QTRT1: variants seen among roughly 807,000 people sequenced by gnomAD.
QTRT1 encodes queuine tRNA-ribosyltransferase catalytic subunit 1.
A neutral mutation model predicts 44.0 loss-of-function variants in QTRT1; 41 were observed. The ratio of observed to expected loss-of-function variants is 0.93; its 90% confidence interval spans 0.73 to 1.21. The LOEUF (loss-of-function observed/expected upper bound fraction) is 1.21, where lower values mean the gene tolerates loss of function less well. Among genes scored for constraint, QTRT1 ranks in the 50% most tolerant of loss-of-function variants. QTRT1 has a pLI of 0.00. For synonymous variants in QTRT1, 226 were observed against 237.1 expected, an observed-to-expected ratio of 0.95 and a Z score of 0.43; for missense variants, 542 against 575.8, an observed-to-expected ratio of 0.94 and a Z score of 0.60.
chr19:10,705,918 C>T (rs1291209944), intron 3 of QTRT1, among the ~76,000 whole-genome samples: 4 of 121,222 alleles, frequency 3.3e-5, no homozygotes, highest in East Asian at 2.8e-4. Context: ...TGTAGTGGTG[C>T]GATCTCGGCT....
intron 3 of QTRT1, among the ~76,000 whole-genome samples, chr19:10,702,613 G>C (rs559734012): frequency 6.6e-6 from 1 of 151,600 alleles, no homozygotes; most frequent in Non-Finnish European, 1.5e-5. Context: ...AGACCAGCTT[G>C]GGCAATACAG....
In QTRT1 at chr19:10,712,246, G is replaced by A. The variant is rs752055092; in HGVS notation, c.732G>A (p.Ala244=). Reference sequence around the variant, plus strand: ...AGTCGCAGTTCTGGCGGATGGTGGCGCTGAGCACCTCTCGGCTGCCGAAGG... The same window carrying A: ...AGTCGCAGTTCTGGCGGATGGTGGCACTGAGCACCTCTCGGCTGCCGAAGG... ...ESKSQFWRMV[A]LSTSRLPKDK... Residue 244 remains alanine (A), a synonymous_variant, in exon 6 of 10, where the codon GCG becomes GCA. Transcript: ENST00000250237. This position sits in a 1 kb window ranked among gnomAD's most constrained non-coding sequence, Gnocchi z 5.6. 6.2e-6 allele frequency: 10 copies of A among 1,614,086 alleles called. No individual in the cohort carries two copies. The highest frequency in any genetic ancestry group is 5.0e-5 in the Admixed American group (3 of 60,022).
intron 5 of QTRT1, among the ~76,000 whole-genome samples, chr19:10,708,406 G>A (rs533788759): frequency 5.9e-5 from 9 of 152,202 alleles, no homozygotes; most frequent in Non-Finnish European, 8.8e-5. Context: ...ATAGGTGCAC[G>A]CCGGTGTGTC....
chr19:10,704,408 C>T (rs2068703274), intron 3 of QTRT1, among the ~76,000 whole-genome samples: 1 of 151,704 alleles, frequency 6.6e-6, no homozygotes, highest in African/African-American at 2.4e-5. Context: ...ATTCTCCTGC[C>T]TCAGCCTCCG....
At chr19:10,705,748 G>A (rs1032183109) in intron 3 of QTRT1, among the ~76,000 whole-genome samples, 19 of 149,944 alleles carry the variant, frequency 1.3e-4, no homozygotes, top group Non-Finnish European at 7.4e-5. Context: ...ATTGGCCAGG[G>A]TGGTCTTGAA....
intron 1 of QTRT1, 68 bp downstream of exon 1, chr19:10,701,771 C>T: frequency 7.7e-6 from 12 of 1,557,032 alleles, no homozygotes; most frequent in Non-Finnish European, 1.0e-5. Flanking sequence ...GGAGCGTCCT[C>T]CAGGCCCGGA....
At chr19:10,705,019 T>G (rs1360462306) in intron 3 of QTRT1, among the ~76,000 whole-genome samples, 2 of 142,230 alleles carry the variant, frequency 1.4e-5, no homozygotes, top group Non-Finnish European at 1.5e-5. Context: ...GGGTTTAAGC[T>G]ATTCTCCTGC....
intron 5 of QTRT1, chr19:10,711,026 C>T (rs2068736569): frequency 6.6e-6 from 1 of 152,166 alleles, no homozygotes; most frequent in Non-Finnish European, 1.5e-5. Flanking sequence ...ACACATCAGC[C>T]CGTCATCTAG....
At chr19:10,710,451 G>A (rs867243680) in intron 5 of QTRT1, among the ~76,000 whole-genome samples, 25 of 151,992 alleles carry the variant, frequency 1.6e-4, no homozygotes, top group African/African-American at 6.0e-4. Flanking sequence ...CGAGTAGCTG[G>A]GATTACAGGC....
chr19:10,713,075 G>A lies in QTRT1; in HGVS notation c.1059+35G>A, dbSNP rs778171059. On this transcript the variant is annotated intron_variant, in intron 9 of 9. Transcript: ENST00000250237. The surrounding 1 kb of genome is among the most constrained non-coding windows in gnomAD (Gnocchi z 4.3). ...TGCCCGGGGCAAGGTGGGCGGGGGT[G>A]TCCTAGGTGCGTATGCCCCACGCTG... 6.2e-7 allele frequency: 1 copy of A among 1,609,024 alleles called. No individual in the cohort carries two copies. Among genetic ancestry groups the A allele is most frequent in the Non-Finnish European group, 8.5e-7 (1 of 1,179,794 alleles).
chr19:10,709,721 C>T (rs2068730112), intron 5 of QTRT1, among the ~76,000 whole-genome samples: 1 of 152,098 alleles, frequency 6.6e-6, no homozygotes, highest in South Asian at 2.1e-4. Flanking sequence ...TGGTGGCGGG[C>T]GCCTGTAGTC....
At chr19:10,710,743 G>A (rs1379104692) in intron 5 of QTRT1, among the ~76,000 whole-genome samples, 3 of 151,862 alleles carry the variant, frequency 2.0e-5, no homozygotes, top group Admixed American at 1.3e-4. Flanking sequence ...CCAACATGGC[G>A]GAACCCTGTC....
At chr19:10,707,447 T>A (rs1441788643) in intron 4 of QTRT1, 53 bp from the exon 5 acceptor site, 1 of 1,610,110 alleles carries the variant, frequency 6.2e-7, no homozygotes, top group Non-Finnish European at 8.5e-7. Context: ...TGTAGCCTTG[T>A]CTCCTACCCC....
Position 10,712,714 on chromosome 19 carries a change from A to G in QTRT1, c.862-44A>G. ...TTAGGGGTGGGGGGTGGGGAGAATG[A>G]AGCCCTGGGTGACGCCCCTTTCCCT... is the stretch of plus-strand genomic sequence containing the variant. On this transcript the variant is annotated intron_variant, in intron 7 of 9. Transcript: ENST00000250237. The surrounding 1 kb of genome is among the most constrained non-coding windows in gnomAD (Gnocchi z 5.6). 1 of 1,491,116 alleles carries G rather than the reference A, an allele frequency of 6.7e-7. No individual in the cohort carries two copies. The highest frequency in any genetic ancestry group is 1.7e-4 in the Middle Eastern group (1 of 5,788). The allele number at this position is 1,491,116 out of a possible 1,614,324, so 92.4% of individuals were successfully genotyped here.
At chr19:10,705,010 G>C (rs2068706793) in intron 3 of QTRT1, among the ~76,000 whole-genome samples, 1 of 151,262 alleles carries the variant, frequency 6.6e-6, no homozygotes, top group Non-Finnish European at 1.5e-5. Flanking sequence ...CTGCTGCCCG[G>C]GTTTAAGCTA....
chr19:10,706,871 T>TG (rs1400834712), intron 3 of QTRT1: 24 of 192,514 alleles, frequency 1.2e-4, no homozygotes, highest in African/African-American at 5.2e-4. Context: ...TTAGGAGAGA[T>TG]GGGGTTTCAC....
At position 10,712,207 on chromosome 19, in the gene QTRT1, C is replaced by CG. The variant is rs2068741884; in HGVS notation, c.698dup (p.Glu234Ter). 1.9e-6 allele frequency: 3 copies of CG among 1,613,762 alleles called. No homozygotes were observed. Among genetic ancestry groups the CG allele is most frequent in the Admixed American group, 1.7e-5 (1 of 59,994 alleles). ...CTGGCTTCGCCATCGGGGGCCTGAG[C>CG]GGGGGTGAGAGCAAGTCGCAGTTCT... On this transcript the variant is annotated frameshift_variant, in exon 6 of 10. Transcript: ENST00000250237. LOFTEE classifies it high-confidence loss of function. This position sits in a 1 kb window ranked among gnomAD's most constrained non-coding sequence, Gnocchi z 5.6.
chr19:10,706,465 C>T (rs564711486), intron 3 of QTRT1, among the ~76,000 whole-genome samples: 5 of 152,128 alleles, frequency 3.3e-5, no homozygotes, highest in South Asian at 2.1e-4. Context: ...CTCCGTCTTC[C>T]GGGTTCAAGC....
chr19:10,707,658 A>C (rs968383262), intron 5 of QTRT1, 43 bp downstream of exon 5: 9 of 1,432,582 alleles, frequency 6.3e-6, no homozygotes, highest in Non-Finnish European at 8.6e-6. Flanking sequence ...GCCATCGCGG[A>C]GGTCCCCACA....
Sources: allele counts gnomAD v4.1 joint callset (sites outside exome capture counted in the v4.1 genomes callset), GRCh38; gene constraint gnomAD v4.1.1; non-coding constraint Gnocchi (gnomAD v3.1); transcripts MANE v1.5; gene names NCBI Gene and HGNC (gene_info 2026-07-23, HGNC 2026-07-21).